The following ZBTB7C variants were observed in gnomAD, a reference collection of about 807,000 sequenced individuals.
ZBTB7C encodes the protein zinc finger and BTB domain containing 7C, also known as zinc finger and BTB domain-containing protein 7C.
A neutral mutation model predicts 25.7 loss-of-function variants in ZBTB7C; 8 were observed. That is an observed-to-expected ratio of 0.31 (90% CI 0.18 to 0.56). The LOEUF (loss-of-function observed/expected upper bound fraction) is 0.56, where lower values mean the gene tolerates loss of function less well. Among genes scored for constraint, ZBTB7C ranks in the 20% least tolerant of loss-of-function variants. The pLI, the probability that ZBTB7C is intolerant of heterozygous loss-of-function variation, is 0.91. For missense variants in ZBTB7C, 824 were observed against 855.2 expected, an observed-to-expected ratio of 0.96 and a Z score of 0.46; for synonymous variants, 394 against 369.0, an observed-to-expected ratio of 1.07 and a Z score of -0.78.
intron 1 of ZBTB7C, among the ~76,000 whole-genome samples, chr18:48,398,432 A>T (rs2048078968): frequency 6.6e-6 from 1 of 152,168 alleles, no homozygotes; most frequent in African/African-American, 2.4e-5. Flanking sequence ...AGTGAGACCA[A>T]GGACATGGTG....
At chr18:48,399,607 C>T (rs1053398544) in intron 1 of ZBTB7C, among the ~76,000 whole-genome samples, 4 of 152,270 alleles carry the variant, frequency 2.6e-5, no homozygotes, top group African/African-American at 9.6e-5. Flanking sequence ...AGCAGGACAG[C>T]CTTCCTGGGC....
intron 3 of ZBTB7C, among the ~76,000 whole-genome samples, chr18:48,115,886 T>C: frequency 6.6e-6 from 1 of 152,010 alleles, no homozygotes; most frequent in Non-Finnish European, 1.5e-5. Flanking sequence ...GTGACAGCTC[T>C]GGAAGAAAGG....
At chr18:48,184,550 CTGT>C (rs2042007699) in intron 3 of ZBTB7C, among the ~76,000 whole-genome samples, 1 of 152,100 alleles carries the variant, frequency 6.6e-6, no homozygotes, top group South Asian at 2.1e-4. Flanking sequence ...TGAATACTGG[CTGT>C]TGTTATGGAG....
chr18:48,070,695 A>T (rs1462576330), intron 3 of ZBTB7C, among the ~76,000 whole-genome samples: 1 of 152,238 alleles, frequency 6.6e-6, no homozygotes. Flanking sequence ...CAAAGTCACC[A>T]AGAGTGACAG....
At chr18:48,296,968 T>G (rs2045412324) in intron 2 of ZBTB7C, among the ~76,000 whole-genome samples, 1 of 152,218 alleles carries the variant, frequency 6.6e-6, no homozygotes, top group African/African-American at 2.4e-5. Flanking sequence ...CCGGGTATGG[T>G]GACACACACC....
At chr18:48,367,820 G>A (rs554601493) in intron 1 of ZBTB7C, among the ~76,000 whole-genome samples, 6 of 152,018 alleles carry the variant, frequency 3.9e-5, no homozygotes, top group East Asian at 1.9e-4. Context: ...CCCCAACCCC[G>A]TGTGGTGTCA....
intron 2 of ZBTB7C, among the ~76,000 whole-genome samples, chr18:48,245,088 G>GTATATATATATATA (rs1384990097): frequency 1.1e-4 from 5 of 43,676 alleles, no homozygotes; most frequent in African/African-American, 3.0e-4. Flanking sequence ...TAGTGTGTGT[G>GTATATATATATATA]TGTGTATATA....
At chr18:48,162,681 T>C (rs2041105198) in intron 3 of ZBTB7C, among the ~76,000 whole-genome samples, 1 of 152,108 alleles carries the variant, frequency 6.6e-6, no homozygotes, top group Non-Finnish European at 1.5e-5. Flanking sequence ...TAAAATTCTG[T>C]CTCCTCTCTG....
chr18:48,101,036 C>A (rs1254347176), intron 3 of ZBTB7C, among the ~76,000 whole-genome samples: 2 of 152,124 alleles, frequency 1.3e-5, no homozygotes, highest in Non-Finnish European at 2.9e-5. Context: ...GGCACAGTAG[C>A]CTTGTCCTCA....
intron 3 of ZBTB7C, among the ~76,000 whole-genome samples, chr18:48,107,467 CT>C (rs952748534): frequency 2.6e-5 from 4 of 151,972 alleles, no homozygotes; most frequent in African/African-American, 9.7e-5. Flanking sequence ...GGGACAGGCA[CT>C]AACACAGCAC....
intron 2 of ZBTB7C, among the ~76,000 whole-genome samples, chr18:48,269,470 AC>A (rs1428184705): frequency 1.3e-5 from 2 of 152,226 alleles, no homozygotes; most frequent in African/African-American, 4.8e-5. Context: ...GGGGCCATCA[AC>A]AGTCAGACCA....
At chr18:48,141,153 C>CCCCG (rs1195909864) in intron 3 of ZBTB7C, among the ~76,000 whole-genome samples, 1 of 148,684 alleles carries the variant, frequency 6.7e-6, no homozygotes, top group African/African-American at 2.5e-5. Flanking sequence ...ACCACCCCCC[C>CCCCG]CACTGTTCCT....
intron 1 of ZBTB7C, among the ~76,000 whole-genome samples, chr18:48,344,700 T>C (rs1189475589): frequency 6.6e-6 from 1 of 152,188 alleles, no homozygotes; most frequent in Non-Finnish European, 1.5e-5. Context: ...ATTGAGATAA[T>C]GCAGCAACAC....
chr18:48,111,320 G>A (rs1291940482), intron 3 of ZBTB7C, among the ~76,000 whole-genome samples: 3 of 152,184 alleles, frequency 2.0e-5, no homozygotes, highest in Non-Finnish European at 4.4e-5. Flanking sequence ...TTGGATTAGG[G>A]GAATGTCAGC....
At chr18:48,359,542 G>T (rs1329614523) in intron 1 of ZBTB7C, among the ~76,000 whole-genome samples, 2 of 152,178 alleles carry the variant, frequency 1.3e-5, no homozygotes, top group South Asian at 2.1e-4. Context: ...TTTCAAGAAT[G>T]AGTTTGACAG....
At chr18:48,149,332 T>C (rs1176453374) in intron 3 of ZBTB7C, 1 of 152,342 alleles carries the variant, frequency 6.6e-6, no homozygotes, top group Non-Finnish European at 1.5e-5. Flanking sequence ...AGTTTCTGTG[T>C]TGTTTCAACA....
intron 3 of ZBTB7C, among the ~76,000 whole-genome samples, chr18:48,121,255 A>G (rs1338338470): frequency 6.6e-6 from 1 of 152,186 alleles, no homozygotes; most frequent in Non-Finnish European, 1.5e-5. Context: ...CCATTGTATA[A>G]GCAACTGTCA....
At chr18:48,317,964 G>GGACCCCAGCCTCCTTCCTT (rs55741817) in intron 2 of ZBTB7C, among the ~76,000 whole-genome samples, 3 of 151,936 alleles carry the variant, frequency 2.0e-5, no homozygotes, top group Non-Finnish European at 2.9e-5. Context: ...CTCTGCTGGA[G>GGACCCCAGCCTCCTTCCTT]GACCCCTGCC....
rs1240105891 is a variant in ZBTB7C, at chr18:48,137,064, G to A, written c.-17+48870C>T. The A allele has an allele frequency of 3.0e-6, 3 of 985,304 alleles. No homozygotes were observed. In the African/African-American group the frequency reaches 5.2e-5, roughly 17 times the overall value. 61.0% of individuals were successfully genotyped at this position (985,304 alleles called of 1,614,324 possible). A position where few individuals can be genotyped will look rare whatever the true frequency, so the allele number is the denominator to read the frequency against. On this transcript the variant is annotated intron_variant, in intron 3 of 4. Transcript: ENST00000590800. ...GGGCCGTGTCCTGAGCGCCGCCAGGGTCCCGGGCTGGGAATCCACGCGGCC... is the reference window on the plus strand; with the variant it reads ...GGGCCGTGTCCTGAGCGCCGCCAGGATCCCGGGCTGGGAATCCACGCGGCC...
Sources: allele counts gnomAD v4.1 joint callset (sites outside exome capture counted in the v4.1 genomes callset), GRCh38; gene constraint gnomAD v4.1.1; transcripts MANE v1.5; gene names NCBI Gene and HGNC (gene_info 2026-07-23, HGNC 2026-07-21).